The following FSTL5 variants were observed in gnomAD, a reference collection of about 807,000 sequenced individuals.
FSTL5 encodes the protein follistatin-related protein 5.
In FSTL5, 62 loss-of-function variants were observed where a neutral mutation model predicts 89.1. That is an observed-to-expected ratio of 0.70 (90% CI 0.57 to 0.86). FSTL5 has a LOEUF of 0.86. Among genes scored for constraint, FSTL5 ranks in the 40% least tolerant of loss-of-function variants. The pLI is 0.00. For missense variants in FSTL5, 1,057 were observed against 1,001.6 expected (o/e 1.06, Z -0.75); for synonymous variants, 383 against 346.2 (o/e 1.11, Z -1.18).
intron 6 of FSTL5, among the ~76,000 whole-genome samples, chr4:161,711,381 G>T (rs536483696): frequency 2.0e-5 from 3 of 151,972 alleles, no homozygotes; most frequent in Admixed American, 6.6e-5. Flanking sequence ...ACTATGAACA[G>T]CTGTATGCCA....
At chr4:161,678,976 A>G (rs1201981514) in intron 6 of FSTL5, among the ~76,000 whole-genome samples, 3 of 151,750 alleles carry the variant, frequency 2.0e-5, no homozygotes, top group Admixed American at 6.6e-5. Flanking sequence ...GCAAAAATGT[A>G]TTAAACACTA....
At chr4:161,906,956 C>T (rs1733554264) in intron 4 of FSTL5, among the ~76,000 whole-genome samples, 1 of 152,030 alleles carries the variant, frequency 6.6e-6, no homozygotes, top group Admixed American at 6.6e-5. Context: ...GGTATGCATA[C>T]TTACTATGGA....
At chr4:161,929,055 T>A (rs1429314743) in intron 3 of FSTL5, among the ~76,000 whole-genome samples, 1 of 151,622 alleles carries the variant, frequency 6.6e-6, no homozygotes, top group East Asian at 1.9e-4. Context: ...CAAGCTGAAT[T>A]TTTTTTGAAT....
At chr4:161,492,379 C>A (rs1560921663) in intron 12 of FSTL5, among the ~76,000 whole-genome samples, 1 of 151,954 alleles carries the variant, frequency 6.6e-6, no homozygotes, top group South Asian at 2.1e-4. Context: ...TAGAGGTATA[C>A]CATGAAATGT....
intron 3 of FSTL5, among the ~76,000 whole-genome samples, chr4:162,027,371 T>C (rs1737335938): frequency 6.6e-6 from 1 of 152,118 alleles, no homozygotes; most frequent in African/African-American, 2.4e-5. Flanking sequence ...TTTATAGAAT[T>C]GTTAATTTTG....
chr4:161,485,778 A>G (rs932532866), intron 12 of FSTL5, among the ~76,000 whole-genome samples: 2 of 152,016 alleles, frequency 1.3e-5, no homozygotes, highest in African/African-American at 4.8e-5. Context: ...TGTCTTTTAG[A>G]AAAAAAAGAG....
chr4:161,788,348 A>G (rs375615841), intron 4 of FSTL5, among the ~76,000 whole-genome samples: 18 of 152,282 alleles, frequency 1.2e-4, no homozygotes, highest in Middle Eastern at 3.4e-3. Context: ...ATAGAACACC[A>G]GAGCTTATTC....
At chr4:161,726,321 G>T (rs1461092182) in intron 6 of FSTL5, among the ~76,000 whole-genome samples, 2 of 146,732 alleles carry the variant, frequency 1.4e-5, no homozygotes, top group South Asian at 4.3e-4. Flanking sequence ...CCGCCTCCCG[G>T]GTTCAAGCAA....
At chr4:161,776,930 C>A (rs978098372) in intron 4 of FSTL5, among the ~76,000 whole-genome samples, 3 of 151,836 alleles carry the variant, frequency 2.0e-5, no homozygotes, top group African/African-American at 7.3e-5. Flanking sequence ...TCGTTAACTA[C>A]AGTTCCCCTG....
intron 10 of FSTL5, among the ~76,000 whole-genome samples, chr4:161,516,408 A>G (rs1352776132): frequency 6.8e-6 from 1 of 147,374 alleles, no homozygotes; most frequent in South Asian, 2.1e-4. Context: ...ATGTAAATAT[A>G]TATTTTTTTA....
At position 161,639,786 on chromosome 4, in the gene FSTL5, G is replaced by T. The variant is rs545428193; in HGVS notation, c.894+16542C>A. ...TTACAGGAGCCATGGCTGGGAAAGG[G>T]GATCCTGTCATTGAAATATTGGGGA... On this transcript the variant is annotated intron_variant, in intron 7 of 15. Coordinates refer to ENST00000306100, the MANE Select transcript of FSTL5 (RefSeq NM_020116.5). 7.2e-5 allele frequency among the ~76,000 whole-genome samples: 11 copies of T among 152,212 alleles called. No individual in the cohort carries two copies. In the South Asian group the frequency reaches 2.3e-3, roughly 32 times the overall value.
chr4:161,696,380 A>C (rs764956118), intron 6 of FSTL5, among the ~76,000 whole-genome samples: 2 of 152,132 alleles, frequency 1.3e-5, no homozygotes, highest in African/African-American at 2.4e-5. Flanking sequence ...TATAGTTTGA[A>C]ATCAGGTAAT....
At chr4:161,815,709 T>A (rs547597336) in intron 4 of FSTL5, among the ~76,000 whole-genome samples, 1 of 152,154 alleles carries the variant, frequency 6.6e-6, no homozygotes. Flanking sequence ...CATTTTATAG[T>A]TTACACATTA....
chr4:162,033,589 T>C, intron 3 of FSTL5, 36 bp downstream of exon 3: 1 of 1,148,556 alleles, frequency 8.7e-7, no homozygotes, highest in Non-Finnish European at 1.3e-6. Flanking sequence ...TGTTATGAAC[T>C]TATATAATTG....
chr4:162,012,357 T>C (rs1736793990), intron 3 of FSTL5, among the ~76,000 whole-genome samples: 1 of 152,226 alleles, frequency 6.6e-6, no homozygotes, highest in Non-Finnish European at 1.5e-5. Context: ...ATTCCAACTG[T>C]TCAGGTTATT....
intron 6 of FSTL5, among the ~76,000 whole-genome samples, chr4:161,721,190 A>G (rs1739195822): frequency 6.8e-6 from 1 of 146,982 alleles, no homozygotes; most frequent in Non-Finnish European, 1.5e-5. Context: ...AGGCAGGAGA[A>G]TGGCGTGAAC....
intron 4 of FSTL5, among the ~76,000 whole-genome samples, chr4:161,828,665 C>A (rs952541653): frequency 1.3e-5 from 2 of 150,562 alleles, no homozygotes; most frequent in African/African-American, 5.0e-5. Context: ...TTATTTTCCT[C>A]TGGGGATTGA....
In FSTL5 at chr4:162,046,134, G is replaced by A. The variant is rs113222324; in HGVS notation, c.127-12476C>T. Among the ~76,000 whole-genome samples, 353 of 152,082 alleles carry A rather than the reference G, an allele frequency of 2.3e-3. 2 individuals are homozygous for A. The highest frequency in any genetic ancestry group is 7.7e-3 in the African/African-American group (318 of 41,500). On this transcript the variant is annotated intron_variant, in intron 2 of 15. Transcript: ENST00000306100. ...AAATAACCACTCACTATTGGAACAC[G>A]GGTTTTTTTATTTGGAACGTACATG...
At chr4:161,530,957 A>G (rs1731391711) in intron 10 of FSTL5, among the ~76,000 whole-genome samples, 1 of 152,140 alleles carries the variant, frequency 6.6e-6, no homozygotes, top group Non-Finnish European at 1.5e-5. Flanking sequence ...TGTTACCTCT[A>G]TCTAAATCCC....
Sources: allele counts gnomAD v4.1 joint callset (sites outside exome capture counted in the v4.1 genomes callset), GRCh38; gene constraint gnomAD v4.1.1; transcripts MANE v1.5; gene names NCBI Gene and HGNC (gene_info 2026-07-23, HGNC 2026-07-21).